The following KIAA1549L variants were observed in gnomAD, a reference collection of about 807,000 sequenced individuals.
KIAA1549L encodes UPF0606 protein KIAA1549L.
Under a neutral mutation model 160.7 loss-of-function variants are expected in KIAA1549L, and 88 were observed. The observed-to-expected ratio is 0.55, with a 90% CI of 0.46 to 0.65. The LOEUF (loss-of-function observed/expected upper bound fraction) is 0.65. Among genes scored for constraint, KIAA1549L ranks in the 30% least tolerant of loss-of-function variants. The probability of loss-of-function intolerance (pLI) is 0.00; values close to 1 mark genes in which losing one functional copy is unlikely to be tolerated. For missense variants in KIAA1549L, 2,258 were observed against 2,437.5 expected, an observed-to-expected ratio of 0.93 and a Z score of 1.55; for synonymous variants, 950 against 976.7, an observed-to-expected ratio of 0.97 and a Z score of 0.51.
intron 1 of KIAA1549L, among the ~76,000 whole-genome samples, chr11:33,392,233 C>T (rs1027155528): frequency 2.5e-4 from 38 of 152,156 alleles, no homozygotes; most frequent in Non-Finnish European, 2.6e-4. Context: ...ATGAAGTTGT[C>T]AAACACACGG....
chr11:33,572,117 A>G (rs1357645369), intron 9 of KIAA1549L, among the ~76,000 whole-genome samples: 1 of 151,810 alleles, frequency 6.6e-6, no homozygotes, highest in Admixed American at 6.6e-5. Flanking sequence ...GCTCACTGCA[A>G]CCTCCGCCTC....
chr11:33,509,926 CT>C (rs1853186709), intron 1 of KIAA1549L, among the ~76,000 whole-genome samples: 1 of 152,130 alleles, frequency 6.6e-6, no homozygotes, highest in African/African-American at 2.4e-5. Context: ...TCATTTCTCT[CT>C]GTCAGTAATT....
In KIAA1549L at chr11:33,544,348, A is replaced by G; in HGVS notation, c.2773+12A>G. 6.2e-7 allele frequency: 1 copy of G among 1,612,670 alleles called. No homozygotes were observed. The highest frequency in any genetic ancestry group is 8.5e-7 in the Non-Finnish European group (1 of 1,179,264). On this transcript the variant is annotated intron_variant, in intron 2 of 20. Transcript: ENST00000658780. Reference sequence around the variant, plus strand: ...CAAGAAATGGACAGGTGCAGCCACTAATGCAGGTAGTTTGTTTCCCGGTAC... The same window carrying G: ...CAAGAAATGGACAGGTGCAGCCACTGATGCAGGTAGTTTGTTTCCCGGTAC...
intron 16 of KIAA1549L, among the ~76,000 whole-genome samples, chr11:33,638,913 T>C (rs927419596): frequency 1.3e-5 from 2 of 152,252 alleles, no homozygotes; most frequent in Non-Finnish European, 2.9e-5. Flanking sequence ...TTTTTGTGTC[T>C]TCTTTCATTG....
At chr11:33,424,184 T>C (rs1260220207) in intron 1 of KIAA1549L, among the ~76,000 whole-genome samples, 1 of 152,224 alleles carries the variant, frequency 6.6e-6, no homozygotes, top group African/African-American at 2.4e-5. Context: ...GCAAAGGTCA[T>C]GGCAACGTTT....
intron 1 of KIAA1549L, among the ~76,000 whole-genome samples, chr11:33,530,525 G>C (rs1195432606): frequency 1.4e-5 from 2 of 138,666 alleles, no homozygotes; most frequent in East Asian, 2.2e-4. Context: ...TTAAAAGTCA[G>C]TTATTGGTAG....
At position 33,568,084 on chromosome 11, in the gene KIAA1549L, G is replaced by A; in HGVS notation, c.4087G>A (p.Gly1363Ser). ...GCCTTCTGCATCCACAGTGCTGCAG[G>A]GTGTGGACAATTCGCTGGTGGGCCT... ...RDYWVITVLQGVDNSLVGLHN... is the reference protein window; with the variant it reads ...RDYWVITVLQSVDNSLVGLHN... The change falls in exon 9 of 21, where the codon GGT (glycine) becomes AGT (serine). Residue 1363 changes from glycine (G) to serine (S), a missense_variant. Physicochemically the swap from Gly to Ser is moderately conservative, Grantham distance 56. This residue lies in a region of KIAA1549L where 1,359 missense variants were observed against 1,546.6 expected (regional missense o/e 0.88). Coordinates refer to ENST00000658780, the MANE Select transcript of KIAA1549L (RefSeq NM_012194.3). 1 of 1,610,582 alleles carries A rather than the reference G, an allele frequency of 6.2e-7. No homozygotes were observed.
intron 1 of KIAA1549L, among the ~76,000 whole-genome samples, chr11:33,531,587 G>A (rs1853774319): frequency 6.6e-6 from 1 of 152,172 alleles, no homozygotes; most frequent in East Asian, 1.9e-4. Flanking sequence ...AGCTGTGAAA[G>A]AGCTTTGAAA....
chr11:33,496,172 C>A (rs1399682317), intron 1 of KIAA1549L, among the ~76,000 whole-genome samples: 2 of 152,276 alleles, frequency 1.3e-5, no homozygotes, highest in African/African-American at 4.8e-5. Flanking sequence ...CCATGTTGGG[C>A]AGGCTGGTCT....
At chr11:33,423,541 A>G (rs1401891210) in intron 1 of KIAA1549L, among the ~76,000 whole-genome samples, 1 of 152,232 alleles carries the variant, frequency 6.6e-6, no homozygotes, top group African/African-American at 2.4e-5. Flanking sequence ...TAACAGCAGA[A>G]ACAGTAGCCA....
chr11:33,592,147 G>A (rs1483729117), intron 12 of KIAA1549L, among the ~76,000 whole-genome samples: 1 of 152,184 alleles, frequency 6.6e-6, no homozygotes, highest in Non-Finnish European at 1.5e-5. Flanking sequence ...AATGGTGAGT[G>A]TCCCCAGAGT....
intron 1 of KIAA1549L, among the ~76,000 whole-genome samples, chr11:33,449,611 T>G (rs952517502): frequency 6.6e-6 from 1 of 152,198 alleles, no homozygotes; most frequent in African/African-American, 2.4e-5. Context: ...GGTACATGTC[T>G]GCCAATGAGT....
intron 1 of KIAA1549L, among the ~76,000 whole-genome samples, chr11:33,417,802 C>T (rs1850918896): frequency 6.6e-6 from 1 of 151,460 alleles, no homozygotes; most frequent in South Asian, 2.1e-4. Flanking sequence ...CTTTTCTACA[C>T]AGTTTCAGTC....
intron 12 of KIAA1549L, among the ~76,000 whole-genome samples, chr11:33,596,095 C>T (rs932770607): frequency 2.0e-5 from 3 of 152,240 alleles, no homozygotes; most frequent in East Asian, 1.9e-4. Flanking sequence ...ATCCTCAACC[C>T]GAGAATATTC....
intron 1 of KIAA1549L, among the ~76,000 whole-genome samples, chr11:33,427,456 A>G (rs1158336237): frequency 6.6e-6 from 1 of 151,826 alleles, no homozygotes; most frequent in Admixed American, 6.6e-5. Flanking sequence ...TTTGTCTTCC[A>G]TTTCTCCATG....
At chr11:33,490,682 C>G (rs912183596) in intron 1 of KIAA1549L, among the ~76,000 whole-genome samples, 14 of 152,162 alleles carry the variant, frequency 9.2e-5, no homozygotes, top group African/African-American at 3.1e-4. Context: ...CCTCCCTTCC[C>G]CACACCCATT....
chr11:33,394,523 ATAGT>A (rs1850335880), intron 1 of KIAA1549L, among the ~76,000 whole-genome samples: 1 of 152,252 alleles, frequency 6.6e-6, no homozygotes, highest in Non-Finnish European at 1.5e-5. Context: ...TTCCCTTGAA[ATAGT>A]CAGAAGTTTA....
intron 15 of KIAA1549L, among the ~76,000 whole-genome samples, chr11:33,612,361 A>G (rs1850669076): frequency 6.6e-6 from 1 of 152,238 alleles, no homozygotes; most frequent in African/African-American, 2.4e-5. Context: ...CCACAGCAGG[A>G]CAAGTGAAGG....
At chr11:33,600,574 C>T (rs1308319922) in intron 13 of KIAA1549L, among the ~76,000 whole-genome samples, 2 of 150,776 alleles carry the variant, frequency 1.3e-5, no homozygotes, top group Non-Finnish European at 3.0e-5. Flanking sequence ...TCCTTCCTTC[C>T]TTCCTTTATA....
Sources: allele counts gnomAD v4.1 joint callset (sites outside exome capture counted in the v4.1 genomes callset), GRCh38; gene constraint gnomAD v4.1.1; regional missense constraint gnomAD v4.1.1; transcripts MANE v1.5; gene names NCBI Gene and HGNC (gene_info 2026-07-23, HGNC 2026-07-21).